N4BP2L2: variants seen among roughly 807,000 people sequenced by gnomAD.
N4BP2L2 encodes NEDD4-binding protein 2-like 2.
In N4BP2L2, 50 loss-of-function variants were observed where a neutral mutation model predicts 56.2. The observed-to-expected ratio is 0.89, with a 90% CI of 0.71 to 1.13. The LOEUF is 1.13. Among genes scored for constraint, N4BP2L2 ranks in the 50% most tolerant of loss-of-function variants. N4BP2L2 has a pLI of 0.00. For missense variants in N4BP2L2, 689 were observed against 693.8 expected (o/e 0.99, Z 0.08); for synonymous variants, 203 against 223.6 (o/e 0.91, Z 0.82).
At chr13:32,492,523 T>C (rs950605858) in intron 6 of N4BP2L2, among the ~76,000 whole-genome samples, 2 of 152,154 alleles carry the variant, frequency 1.3e-5, no homozygotes, top group African/African-American at 4.8e-5. Flanking sequence ...ATATTTAAGA[T>C]GAAAATTCAT....
chr13:32,487,455 T>G (rs1593796102), intron 6 of N4BP2L2, among the ~76,000 whole-genome samples: 2 of 133,922 alleles, frequency 1.5e-5, no homozygotes, highest in South Asian at 2.3e-4. Flanking sequence ...CCAGTCAGAG[T>G]GAGACCCTGT....
chr13:32,462,957 T>G (rs1044436850), intron 6 of N4BP2L2, among the ~76,000 whole-genome samples: 3 of 150,018 alleles, frequency 2.0e-5, no homozygotes, highest in African/African-American at 7.4e-5. Flanking sequence ...GCAGGAGAAT[T>G]GCTTGAACCC....
intron 6 of N4BP2L2, among the ~76,000 whole-genome samples, chr13:32,468,244 A>G (rs1054756122): frequency 1.3e-5 from 2 of 150,564 alleles, no homozygotes; most frequent in African/African-American, 4.9e-5. Context: ...ACAACATTGA[A>G]GAGGTCATTA....
At chr13:32,527,464 C>A in exon 3 of N4BP2L2, 1 of 1,613,934 alleles carries the variant, frequency 6.2e-7, no homozygotes, top group African/African-American at 1.3e-5. Flanking sequence ...ATACCTGTAC[C>A]CATCTTGATG....
At chr13:32,521,408 T>A (rs2050867604) in exon 5 of N4BP2L2, 1 of 1,613,228 alleles carries the variant, frequency 6.2e-7, no homozygotes, top group Admixed American at 1.7e-5. Flanking sequence ...TCCACCAAGT[T>A]TCAGGTTCAT....
chr13:32,446,285 G>C (rs2077035512), intron 6 of N4BP2L2: 1 of 1,026,990 alleles, frequency 9.7e-7, no homozygotes, highest in African/African-American at 1.6e-5. Context: ...CAGTTGTGAT[G>C]GGGCCTCTAT....
At chr13:32,493,703 T>C (rs765370267) in intron 6 of N4BP2L2, among the ~76,000 whole-genome samples, 102 of 152,354 alleles carry the variant, frequency 6.7e-4, no homozygotes, top group Middle Eastern at 6.8e-3. Context: ...ATTTTTAATG[T>C]ATAAGAAGGA....
At chr13:32,476,638 A>G (rs1352452628) in intron 6 of N4BP2L2, among the ~76,000 whole-genome samples, 3 of 152,218 alleles carry the variant, frequency 2.0e-5, no homozygotes, top group African/African-American at 7.2e-5. Context: ...TGATACAAAT[A>G]AAATTCCAAG....
chr13:32,455,375 C>T (rs892250451), intron 6 of N4BP2L2, among the ~76,000 whole-genome samples: 1 of 152,182 alleles, frequency 6.6e-6, no homozygotes, highest in African/African-American at 2.4e-5. Flanking sequence ...GCAGCCACCA[C>T]AGACAGCAAC....
intron 6 of N4BP2L2, among the ~76,000 whole-genome samples, chr13:32,467,728 C>T (rs1438359948): frequency 2.0e-5 from 3 of 151,530 alleles, no homozygotes; most frequent in Non-Finnish European, 2.9e-5. Flanking sequence ...GTGGCTCACG[C>T]TTGTAATCCG....
At chr13:32,471,763 T>C (rs555023279) in intron 6 of N4BP2L2, among the ~76,000 whole-genome samples, 1 of 152,254 alleles carries the variant, frequency 6.6e-6, no homozygotes, top group Admixed American at 6.5e-5. Flanking sequence ...CTAGTGTGAG[T>C]GAGCTGCTAA....
intron 9 of N4BP2L2, among the ~76,000 whole-genome samples, chr13:32,433,931 C>CAAAA (rs60540916): frequency 5.8e-5 from 5 of 86,116 alleles, no homozygotes; most frequent in African/African-American, 9.4e-5. Context: ...GACCGTGTCT[C>CAAAA]AAAAAAAAAA....
At chr13:32,489,759 C>T (rs1339580047) in intron 6 of N4BP2L2, among the ~76,000 whole-genome samples, 3 of 106,074 alleles carry the variant, frequency 2.8e-5, no homozygotes, top group Non-Finnish European at 4.1e-5. Flanking sequence ...GGTCAATTCC[C>T]CTCCTGAAAA....
intron 2 of N4BP2L2, among the ~76,000 whole-genome samples, chr13:32,535,363 T>C (rs2056275122): frequency 6.6e-6 from 1 of 152,260 alleles, no homozygotes; most frequent in South Asian, 2.1e-4. Context: ...ATCACTGCCA[T>C]AATTATACGT....
intron 6 of N4BP2L2, among the ~76,000 whole-genome samples, chr13:32,481,836 G>A (rs1257839467): frequency 6.6e-6 from 1 of 152,146 alleles, no homozygotes; most frequent in Non-Finnish European, 1.5e-5. Context: ...CTTTGTATCT[G>A]AATGCAGATG....
At chr13:32,508,009 C>G (rs2091223297), downstream of N4BP2L2, 1 of 151,956 alleles carries the variant, frequency 6.6e-6, no homozygotes, top group Admixed American at 6.6e-5. Flanking sequence ...GCAAAGGAGA[C>G]AGAAATAACC....
intron 6 of N4BP2L2, among the ~76,000 whole-genome samples, chr13:32,491,024 C>T (rs1374695081): frequency 6.8e-6 from 1 of 147,516 alleles, no homozygotes; most frequent in Non-Finnish European, 1.5e-5. Flanking sequence ...ATACTTTTTT[C>T]AGGAGCCTTG....
intron 6 of N4BP2L2, among the ~76,000 whole-genome samples, chr13:32,496,764 T>C (rs1007635686): frequency 3.3e-5 from 5 of 152,196 alleles, no homozygotes; most frequent in African/African-American, 7.2e-5. Context: ...CAGGCACTGG[T>C]CCCACTTCCT....
chr13:32,465,543 A>G (rs1000518780), intron 6 of N4BP2L2, among the ~76,000 whole-genome samples: 1 of 152,182 alleles, frequency 6.6e-6, no homozygotes, highest in Non-Finnish European at 1.5e-5. Flanking sequence ...CAGCCACAAA[A>G]AGAGTTTCAC....
Sources: allele counts gnomAD v4.1 joint callset (sites outside exome capture counted in the v4.1 genomes callset), GRCh38; gene constraint gnomAD v4.1.1; transcripts MANE v1.5; gene names NCBI Gene and HGNC (gene_info 2026-07-23, HGNC 2026-07-21).